MAP3K12: variants seen among roughly 807,000 people sequenced by gnomAD.
MAP3K12 encodes MAPK-upstream kinase.
Under a neutral mutation model 87.5 loss-of-function variants are expected in MAP3K12, and 14 were observed. The ratio of observed to expected loss-of-function variants is 0.16; its 90% CI spans 0.11 to 0.25. MAP3K12 has a LOEUF of 0.25. Ranked by LOEUF, MAP3K12 falls within the 10% of genes least tolerant of loss-of-function variation. MAP3K12 has a pLI of 1.00. For missense variants in MAP3K12, 802 were observed against 1,140.4 expected, an observed-to-expected ratio of 0.70 and a Z score of 4.27; for synonymous variants, 469 against 452.5, an observed-to-expected ratio of 1.04 and a Z score of -0.46.
upstream of MAP3K12, chr12:53,501,524 G>T: frequency 3.9e-6 from 6 of 1,548,494 alleles, no homozygotes; most frequent in South Asian, 2.4e-5. Context: ...AGGGAGTAGC[G>T]GCGCGGCCCC....
chr12:53,499,661 TCCCGCTCCTTCCAGGGCC>T (rs1943637806), upstream of MAP3K12: 1 of 113,146 alleles, frequency 8.8e-6, no homozygotes, highest in Non-Finnish European at 1.8e-5. Context: ...CGGCTTGAAC[TCCCGCTCCTTCCAGGGCC>T]CCCGCCCCTG....
At position 53,487,133 on chromosome 12, in the gene MAP3K12, C is replaced by T. The variant is rs768970307; in HGVS notation, c.259G>A (p.Asp87Asn). The T allele has an allele frequency of 1.2e-6, 2 of 1,613,958 alleles. No homozygotes were observed. Among genetic ancestry groups the T allele is most frequent in the Non-Finnish European group, 1.7e-6 (2 of 1,180,018 alleles). ...ANSVLQLHEQ[D>N]AGGPGGAAGS... ...GCTGCTCCCCCTGGGCCCCCTGCAT[C>T]CTGCTCATGTAGCTGCAGGACACTG... Residue 87 changes from aspartate (D) to asparagine (N), a missense_variant, in exon 2 of 14, where the codon GAT becomes AAT. Coordinates refer to ENST00000547488, the MANE Select transcript of MAP3K12 (RefSeq NM_001193511.2).
intron 10 of MAP3K12, 27 bp from the exon 11 acceptor site, chr12:53,483,216 TAA>T: frequency 6.5e-7 from 1 of 1,533,528 alleles, no homozygotes; most frequent in Non-Finnish European, 8.8e-7. Context: ...AGTAAAAGGT[TAA>T]GACTGCCAAA....
intron 1 of MAP3K12, among the ~76,000 whole-genome samples, chr12:53,490,516 C>T (rs1032246283): frequency 1.3e-5 from 2 of 152,008 alleles, no homozygotes; most frequent in African/African-American, 4.8e-5. Context: ...GAGGCCGAGG[C>T]GGGCGGATCA....
rs1376979970 is a variant in MAP3K12 at position 53,482,280 on chromosome 12, T to G, written c.2309+19A>C. 1.2e-6 allele frequency: 2 copies of G among 1,614,052 alleles called. No individual in the cohort carries two copies. The highest frequency in any genetic ancestry group is 2.7e-5 in the African/African-American group (2 of 74,916). On this transcript the variant is annotated intron_variant, in intron 12 of 13. Transcript: ENST00000547488. ...CAGAAAACAAGAATGCCATTAATTCTTGTAATGCCATCACTTACCTCTGGC... is the reference window on the plus strand; with the variant it reads ...CAGAAAACAAGAATGCCATTAATTCGTGTAATGCCATCACTTACCTCTGGC...
At chr12:53,500,768 C>T (rs1287290823), upstream of MAP3K12, 1 of 152,414 alleles carries the variant, frequency 6.6e-6, no homozygotes, top group East Asian at 1.9e-4. Context: ...CAATCACAAC[C>T]TTCCTTCATC....
At position 53,484,357 on chromosome 12, in the gene MAP3K12, T is replaced by C. The variant is rs1943166259; in HGVS notation, c.1148A>G (p.Lys383Arg). ...KILLRQCWNS[K>R]PRNRPSFRQI... Reference sequence around the variant, plus strand: ...TCGGAATGATGGGCGATTTCGTGGTTTGCTATTCCTGAAAGGAATGGAGTT... The same window carrying C: ...TCGGAATGATGGGCGATTTCGTGGTCTGCTATTCCTGAAAGGAATGGAGTT... The change falls in exon 7 of 14, where the codon AAA becomes AGA. Residue 383 changes from lysine (K) to arginine (R), a missense_variant. By Grantham distance (26) the Lys-to-Arg change is conservative. Transcript: ENST00000547488. The C allele has an allele frequency of 6.2e-7, 1 of 1,613,790 alleles. No homozygotes were observed. Among genetic ancestry groups the C allele is most frequent in the Non-Finnish European group, 8.5e-7 (1 of 1,179,820 alleles).
Position 53,482,647 on chromosome 12 carries a change from G to A in MAP3K12, c.2156C>T (p.Ser719Leu). 6.2e-7 allele frequency: 1 copy of A among 1,613,958 alleles called. No individual in the cohort carries two copies. Among genetic ancestry groups the A allele is most frequent in the South Asian group, 1.1e-5 (1 of 91,088 alleles). The change falls in exon 11 of 14, where the codon TCA becomes TTA. Residue 719 changes from serine to leucine, a missense_variant. Around this residue, in one of 5 missense-constraint regions of MAP3K12, gnomAD observed 490 missense variants for 496.6 expected, o/e 0.99. Coordinates refer to ENST00000547488, the MANE Select transcript of MAP3K12 (RefSeq NM_001193511.2). ...CCCAGCCCGGCTTCCTCCCCGGCCT[G>A]AGGTCCCTTCCCTTCCAGTTCCCAG... ...GLLGTGREGTSGRGGSRAGSQ... is the reference protein window; with the variant it reads ...GLLGTGREGTLGRGGSRAGSQ...
intron 1 of MAP3K12, among the ~76,000 whole-genome samples, chr12:53,490,943 T>G (rs1232333268): frequency 3.3e-5 from 5 of 151,680 alleles, no homozygotes; most frequent in African/African-American, 9.7e-5. Flanking sequence ...ACCAACAAAC[T>G]TGGCCACGTC....
rs1300027932 is a variant in MAP3K12 at position 53,482,612 on chromosome 12, A to G, written c.2191T>C (p.Leu731=). The change falls in exon 11 of 14, where the codon TTG becomes CTG. Residue 731 remains leucine, a synonymous_variant. Transcript: ENST00000547488. ...CTGTACAGCAGTGCAGCTGGGGTCA[A>G]GTGCTGGGACCCAGCCCGGCTTCCT... ...RGGSRAGSQH[L]TPAALLYRAA... The G allele has an allele frequency of 1.2e-6, 2 of 1,613,838 alleles. No homozygotes were observed. The highest frequency in any genetic ancestry group is 1.7e-6 in the Non-Finnish European group (2 of 1,179,988).
chr12:53,497,165 T>C (rs1943562209), intron 1 of MAP3K12, among the ~76,000 whole-genome samples: 3 of 152,258 alleles, frequency 2.0e-5, no homozygotes, highest in Admixed American at 2.0e-4. Context: ...CTATCTCACT[T>C]GGTCTTGTTA....
chr12:53,486,172 C>T lies in MAP3K12; in HGVS notation c.705G>A (p.Leu235=), dbSNP rs1186299746. The change falls in exon 4 of 14, where the codon CTG becomes CTA. Residue 235 remains leucine (L), a synonymous_variant. Coordinates refer to ENST00000547488, the MANE Select transcript of MAP3K12 (RefSeq NM_001193511.2). The surrounding 1 kb of genome is among the most constrained non-coding windows in gnomAD (Gnocchi z 4.9). ...FCAQGQLYEV[L]RAGRPVTPSL... ...AGGGGGTGACAGGGCGGCCAGCCCG[C>T]AGTACCTCATACAGCTGGCCCTGGG... is the stretch of plus-strand genomic sequence containing the variant. The T allele has an allele frequency of 3.1e-6, 5 of 1,614,024 alleles. No individual in the cohort carries two copies. Among genetic ancestry groups the T allele is most frequent in the Non-Finnish European group, 4.2e-6 (5 of 1,180,014 alleles).
chr12:53,482,440 G>T (rs905740615), intron 11 of MAP3K12, 71 bp from the exon 12 acceptor site: 8 of 1,605,980 alleles, frequency 5.0e-6, no homozygotes, highest in Non-Finnish European at 6.8e-6. Context: ...CAGGAGAAGG[G>T]AACATAGTTA....
chr12:53,493,684 G>GAAA (rs1771183315), intron 1 of MAP3K12: 2 of 152,152 alleles, frequency 1.3e-5, no homozygotes, highest in African/African-American at 4.8e-5. Context: ...GCCGAGCTTT[G>GAAA]AGTAGGCACA....
At chr12:53,501,508 G>A (rs1337503945), upstream of MAP3K12, 3 of 1,551,838 alleles carry the variant, frequency 1.9e-6, no homozygotes, top group East Asian at 7.3e-5. Context: ...GCGTGGGGCC[G>A]TGCGGAGGGA....
intron 1 of MAP3K12, 106 bp downstream of exon 1, chr12:53,499,321 C>A: frequency 6.5e-6 from 1 of 153,250 alleles, no homozygotes; most frequent in Non-Finnish European, 1.5e-5. Context: ...ACGCCATCAC[C>A]CCGCACCAGG....
chr12:53,498,908 CTGTGTGTGTG>C (rs71068135), intron 1 of MAP3K12, among the ~76,000 whole-genome samples: 7 of 108,414 alleles, frequency 6.5e-5, no homozygotes, highest in Admixed American at 2.0e-4. Context: ...GTCCAGCCTG[CTGTGTGTGTG>C]TGTGTGTGTG....
Position 53,482,872 on chromosome 12 carries a change from G to A in MAP3K12, c.1931C>T (p.Pro644Leu), listed in dbSNP as rs768392954. Residue 644 changes from proline to leucine, a missense_variant, in exon 11 of 14, where the codon CCA becomes CTA. Around this residue, in one of 5 missense-constraint regions of MAP3K12, gnomAD observed 490 missense variants for 496.6 expected, o/e 0.99. Coordinates refer to ENST00000547488, the MANE Select transcript of MAP3K12 (RefSeq NM_001193511.2). Reference sequence around the variant, plus strand: ...CCCTAGTGCTGCTGACAGCAGGTCTGGGGACGATGAAGACATTTTGCGGAG... The same window carrying A: ...CCCTAGTGCTGCTGACAGCAGGTCTAGGGACGATGAAGACATTTTGCGGAG... Reference protein sequence around the residue: ...LLLRKMSSSSPDLLSAALGSR... With the variant: ...LLLRKMSSSSLDLLSAALGSR... The A allele has an allele frequency of 6.2e-7, 1 of 1,612,904 alleles. No homozygotes were observed. The highest frequency in any genetic ancestry group is 1.1e-5 in the South Asian group (1 of 90,980).
At position 53,483,162 on chromosome 12, in the gene MAP3K12, C is replaced by T. The variant is rs898943437; in HGVS notation, c.1641G>A (p.Leu547=). 6.6e-7 allele frequency: 1 copy of T among 1,521,330 alleles called. No individual in the cohort carries two copies. The highest frequency in any genetic ancestry group is 2.3e-5 in the East Asian group (1 of 44,098). 94.2% of individuals were successfully genotyped at this position (1,521,330 alleles called of 1,614,324 possible). Residue 547 remains leucine (L), a synonymous_variant, in exon 11 of 14, where the codon TTG becomes TTA. Transcript: ENST00000547488. ...TCAGGGCTGCATCTAGTTTAGGGAGCAAAGACTCCGTCTTGAGGATATCTG... is the reference window on the plus strand; with the variant it reads ...TCAGGGCTGCATCTAGTTTAGGGAGTAAAGACTCCGTCTTGAGGATATCTG... ...KRPDILKTES[L]LPKLDAALSG...
Sources: allele counts gnomAD v4.1 joint callset (sites outside exome capture counted in the v4.1 genomes callset), GRCh38; gene constraint gnomAD v4.1.1; regional missense constraint gnomAD v4.1.1; non-coding constraint Gnocchi (gnomAD v3.1); transcripts MANE v1.5; gene names NCBI Gene and HGNC (gene_info 2026-07-23, HGNC 2026-07-21).